TRIM36: variants seen among roughly 807,000 people sequenced by gnomAD.
TRIM36 encodes the protein tripartite motif containing 36.
TRIM36 carries 42 observed loss-of-function variants against 72.4 expected under a neutral mutation model. The ratio of observed to expected loss-of-function variants is 0.58; its 90% CI spans 0.45 to 0.75. The LOEUF is 0.75. Among genes scored for constraint, TRIM36 ranks in the 30% least tolerant of loss-of-function variants. The pLI is 0.00. For missense variants in TRIM36, 913 were observed against 857.1 expected (o/e 1.07, Z -0.81); for synonymous variants, 315 against 282.8 (o/e 1.11, Z -1.14).
At chr5:115,152,982 A>G (rs763438433) in intron 2 of TRIM36, among the ~76,000 whole-genome samples, 1 of 152,194 alleles carries the variant, frequency 6.6e-6, no homozygotes, top group Non-Finnish European at 1.5e-5. Flanking sequence ...ACAACAAAAA[A>G]CAAGGTACAC....
intron 1 of TRIM36, among the ~76,000 whole-genome samples, chr5:115,165,060 C>T (rs148293935): frequency 7.9e-5 from 12 of 152,346 alleles, no homozygotes; most frequent in East Asian, 5.8e-4. Flanking sequence ...ATTCAGGGTA[C>T]GCTGATCCAA....
intron 3 of TRIM36, 77 bp from the exon 4 acceptor site, chr5:115,144,821 T>G: frequency 6.8e-7 from 1 of 1,478,656 alleles, no homozygotes; most frequent in Middle Eastern, 1.8e-4. Flanking sequence ...ATACAAAGAT[T>G]TGCCTTATAA....
intron 2 of TRIM36, among the ~76,000 whole-genome samples, chr5:115,159,896 G>A (rs1274838306): frequency 1.3e-5 from 2 of 151,918 alleles, no homozygotes; most frequent in East Asian, 3.9e-4. Context: ...GCACTTAAGA[G>A]ACAATACTTT....
intron 1 of TRIM36, among the ~76,000 whole-genome samples, chr5:115,175,376 C>T (rs1755286232): frequency 6.6e-6 from 1 of 152,074 alleles, no homozygotes; most frequent in Non-Finnish European, 1.5e-5. Context: ...TTCATTTAAC[C>T]CTTGCAGTAA....
At chr5:115,143,656 G>C (rs1040008794) in intron 4 of TRIM36, among the ~76,000 whole-genome samples, 6 of 151,932 alleles carry the variant, frequency 3.9e-5, no homozygotes, top group African/African-American at 7.3e-5. Flanking sequence ...TATGCAATTA[G>C]ACAGAGGCAA....
chr5:115,168,585 G>C (rs535102973), intron 1 of TRIM36, among the ~76,000 whole-genome samples: 2 of 152,184 alleles, frequency 1.3e-5, no homozygotes, highest in African/African-American at 4.8e-5. Flanking sequence ...AACTGCATTA[G>C]AGCCAACTGG....
chr5:115,140,937 T>C (rs1753242985), intron 5 of TRIM36, among the ~76,000 whole-genome samples: 1 of 152,174 alleles, frequency 6.6e-6, no homozygotes, highest in African/African-American at 2.4e-5. Flanking sequence ...CCAAAAGTGA[T>C]CTATTAATTT....
chr5:115,170,664 C>A (rs539019949), upstream of TRIM36, among the ~76,000 whole-genome samples: 1 of 152,236 alleles, frequency 6.6e-6, no homozygotes, highest in African/African-American at 2.4e-5. Context: ...GCGATGTCAC[C>A]GCACGTTCTT....
intron 3 of TRIM36, 128 bp from the exon 4 acceptor site, chr5:115,144,872 A>C (rs1753495028): frequency 9.9e-7 from 1 of 1,014,760 alleles, no homozygotes; most frequent in Non-Finnish European, 1.4e-6. Context: ...TGAATGTAAA[A>C]AGAAAAATGG....
At chr5:115,163,010 T>G (rs992047202) in intron 2 of TRIM36, among the ~76,000 whole-genome samples, 2 of 150,678 alleles carry the variant, frequency 1.3e-5, no homozygotes. Context: ...CAGGCTGGAG[T>G]GCAATGGCGC....
intron 1 of TRIM36, among the ~76,000 whole-genome samples, chr5:115,175,145 AC>A (rs1755277458): frequency 2.2e-5 from 3 of 135,472 alleles, no homozygotes; most frequent in Admixed American, 1.4e-4. Flanking sequence ...ATCACATTGC[AC>A]ATATTCTAAA....
chr5:115,178,062 C>T (rs1342716446), intron 1 of TRIM36, among the ~76,000 whole-genome samples: 5 of 152,106 alleles, frequency 3.3e-5, no homozygotes, highest in South Asian at 2.1e-4. Flanking sequence ...TTCCCCATTT[C>T]GTGTTCATAG....
At chr5:115,166,061 G>A (rs956945084) in intron 1 of TRIM36, among the ~76,000 whole-genome samples, 15 of 152,096 alleles carry the variant, frequency 9.9e-5, no homozygotes, top group Admixed American at 5.9e-4. Context: ...TACTGCAGGC[G>A]TCCCTCAGCT....
chr5:115,127,827 AAAAC>A (rs930395125), intron 9 of TRIM36, among the ~76,000 whole-genome samples: 43 of 152,122 alleles, frequency 2.8e-4, no homozygotes, highest in Non-Finnish European at 4.7e-4. Context: ...TGTTAACTGT[AAAAC>A]AGCCTCAGGC....
chr5:115,133,740 G>T, intron 8 of TRIM36, 120 bp downstream of exon 8: 3 of 1,002,508 alleles, frequency 3.0e-6, no homozygotes, highest in Non-Finnish European at 4.1e-6. Flanking sequence ...CTTTTCTGGA[G>T]TCTTTTAAAA....
At position 115,169,637 on chromosome 5, in the gene TRIM36, C is replaced by G; in HGVS notation, c.-3G>C. ...GAATCTGAGCCATCGCCCTCCATGG[C>G]TGCCTTCTGCCAGGTGTCATCAGCG... On this transcript the variant is annotated 5_prime_UTR_variant, in exon 1 of 10. Coordinates refer to ENST00000513154, the MANE Select transcript of TRIM36 (RefSeq NM_001300759.2). 1 of 1,523,792 alleles carries G rather than the reference C, an allele frequency of 6.6e-7. No homozygotes were observed. Among genetic ancestry groups the G allele is most frequent in the Non-Finnish European group, 8.8e-7 (1 of 1,141,540 alleles). 94.4% of individuals were successfully genotyped at this position (1,523,792 alleles called of 1,614,324 possible). A position where few individuals can be genotyped will look rare whatever the true frequency, so the allele number is the denominator to read the frequency against.
chr5:115,138,740 G>C (rs1753107182), intron 5 of TRIM36, among the ~76,000 whole-genome samples: 1 of 152,118 alleles, frequency 6.6e-6, no homozygotes, highest in African/African-American at 2.4e-5. Flanking sequence ...TCATGATTTT[G>C]AGAAGACTGG....
rs1362059547 is a variant in TRIM36 at position 115,169,730 on chromosome 5, G to A, written c.-96C>T. Reference sequence around the variant, plus strand: ...GGCGGGTCCCTGCGGCGGCCGTGGAGCCTCGGTCCGAAGCTGGAAGATGAG... The same window carrying A: ...GGCGGGTCCCTGCGGCGGCCGTGGAACCTCGGTCCGAAGCTGGAAGATGAG... On this transcript the variant is annotated 5_prime_UTR_variant, in exon 1 of 10. Coordinates refer to ENST00000513154, the MANE Select transcript of TRIM36 (RefSeq NM_001300759.2). 1 of 1,473,756 alleles carries A rather than the reference G, an allele frequency of 6.8e-7. No individual in the cohort carries two copies. Among genetic ancestry groups the A allele is most frequent in the East Asian group, 2.6e-5 (1 of 38,164 alleles). The allele number at this position is 1,473,756 out of a possible 1,614,324, so 91.3% of individuals were successfully genotyped here.
intron 1 of TRIM36, among the ~76,000 whole-genome samples, chr5:115,164,537 G>A (rs919512951): frequency 6.6e-6 from 1 of 152,138 alleles, no homozygotes; most frequent in African/African-American, 2.4e-5. Context: ...AGCAAGAGCA[G>A]GGATACTGCC....
Sources: allele counts gnomAD v4.1 joint callset (sites outside exome capture counted in the v4.1 genomes callset), GRCh38; gene constraint gnomAD v4.1.1; transcripts MANE v1.5; gene names NCBI Gene and HGNC (gene_info 2026-07-23, HGNC 2026-07-21).